Variants in CDIN1 observed in about 807,000 individuals in gnomAD.
CDIN1 encodes the protein CDAN1 interacting nuclease 1, also known as CDAN1-interacting nuclease 1.
A neutral mutation model predicts 45.3 loss-of-function variants in CDIN1; 33 were observed. The ratio of observed to expected loss-of-function variants is 0.73; its 90% CI spans 0.55 to 0.97. The LOEUF (loss-of-function observed/expected upper bound fraction) is 0.97, where lower values mean the gene tolerates loss of function less well. CDIN1 is among the 50% of genes least tolerant of loss of function. The probability of loss-of-function intolerance (pLI) is 0.00; values close to 1 mark genes in which losing one functional copy is unlikely to be tolerated. For synonymous variants in CDIN1, 118 were observed against 124.4 expected (o/e 0.95, Z 0.34); for missense variants, 303 against 339.4 (o/e 0.89, Z 0.84).
intron 1 of CDIN1, among the ~76,000 whole-genome samples, chr15:36,596,984 A>G (rs562416345): frequency 4.6e-4 from 70 of 152,176 alleles, no homozygotes; most frequent in Non-Finnish European, 7.2e-4. Context: ...AATATTAAAT[A>G]ATACCTTTCC....
intron 5 of CDIN1, among the ~76,000 whole-genome samples, chr15:36,660,159 GCGGGGATAATTGTCTT>G (rs1164450035): frequency 2.6e-5 from 4 of 151,942 alleles, no homozygotes; most frequent in Admixed American, 1.3e-4. Flanking sequence ...ATGAAACAAT[GCGGGGATAATTGTCTT>G]TGGTAGCAAT....
chr15:36,769,708 C>T (rs1358040684), intron 10 of CDIN1, among the ~76,000 whole-genome samples: 1 of 152,058 alleles, frequency 6.6e-6, no homozygotes, highest in Non-Finnish European at 1.5e-5. Flanking sequence ...TATTAAGTAC[C>T]TTCCTCAAGG....
intron 5 of CDIN1, among the ~76,000 whole-genome samples, chr15:36,658,724 C>T (rs1162294265): frequency 6.6e-6 from 1 of 152,088 alleles, no homozygotes; most frequent in Non-Finnish European, 1.5e-5. Flanking sequence ...CATAATCTTC[C>T]CTCTTTGAAA....
At chr15:36,785,486 G>C (rs1437610178) in intron 10 of CDIN1, among the ~76,000 whole-genome samples, 1 of 152,084 alleles carries the variant, frequency 6.6e-6, no homozygotes, top group Non-Finnish European at 1.5e-5. Context: ...TTGAAGCATA[G>C]GACATCTGTG....
chr15:36,808,389 G>A lies in CDIN1; in HGVS notation c.782G>A (p.Arg261Lys), dbSNP rs371887239. Residue 261 changes from arginine (R) to lysine (K), a missense_variant, in exon 11 of 11, where the codon AGG (arginine) becomes AAG (lysine). Arg to Lys is a conservative substitution (Grantham distance 26, BLOSUM62 2). Transcript: ENST00000566621. The part of the protein sequence containing the change: ...FIQELDCNRE[R>K]GILLKACFPT... ...CAGGAGCTGGACTGCAACCGGGAAA[G>A]GGGCATCCTGCTCAAAGCCTGTTTC... 13 of 1,613,488 alleles carry A rather than the reference G, an allele frequency of 8.1e-6. No individual in the cohort carries two copies. Among genetic ancestry groups the A allele is most frequent in the Non-Finnish European group, 1.1e-5 (13 of 1,179,662 alleles).
chr15:36,587,867 A>G (rs948392868), intron 1 of CDIN1, among the ~76,000 whole-genome samples: 1 of 152,168 alleles, frequency 6.6e-6, no homozygotes, highest in African/African-American at 2.4e-5. Flanking sequence ...CAGGCTCCAG[A>G]ATCTCTTTCT....
At chr15:36,584,334 C>G (rs540209759) in intron 1 of CDIN1, among the ~76,000 whole-genome samples, 1 of 152,202 alleles carries the variant, frequency 6.6e-6, no homozygotes, top group Non-Finnish European at 1.5e-5. Context: ...ACTCAGGATG[C>G]TAAGGTGAGA....
intron 5 of CDIN1, chr15:36,668,191 A>T (rs540838891): frequency 1.3e-5 from 2 of 152,142 alleles, no homozygotes; most frequent in African/African-American, 4.8e-5. Flanking sequence ...CATTGCCTAG[A>T]TACATCCATA....
intron 5 of CDIN1, 92 bp from the exon 6 acceptor site, chr15:36,691,593 T>C: frequency 1.4e-6 from 1 of 723,348 alleles, no homozygotes. Context: ...TTTGTTTTCA[T>C]GGTTTGTGTA....
intron 5 of CDIN1, among the ~76,000 whole-genome samples, chr15:36,686,339 T>C (rs541036805): frequency 6.3e-4 from 90 of 142,214 alleles, no homozygotes; most frequent in African/African-American, 2.2e-3. Flanking sequence ...ATATTCTCAC[T>C]CATAGGTGGG....
rs193012169 is a variant in CDIN1, at chr15:36,597,457, G to A, written c.101+17496G>A. Among the ~76,000 whole-genome samples the A allele has an allele frequency of 2.0e-5, 3 of 152,274 alleles. No homozygotes were observed. The East Asian group carries it at 5.8e-4, about 29-fold the overall frequency. Reference sequence around the variant, plus strand: ...ATATAAACCCTGCATTATGGCTAAAGTGGTTTTTTGCTCAGACATAAAGCT... The same window carrying A: ...ATATAAACCCTGCATTATGGCTAAAATGGTTTTTTGCTCAGACATAAAGCT... On this transcript the variant is annotated intron_variant, in intron 1 of 10. Coordinates refer to ENST00000566621, the MANE Select transcript of CDIN1 (RefSeq NM_001321759.2).
intron 5 of CDIN1, among the ~76,000 whole-genome samples, chr15:36,660,146 A>AT (rs2040950029): frequency 6.6e-6 from 1 of 151,808 alleles, no homozygotes; most frequent in African/African-American, 2.4e-5. Flanking sequence ...ATGTGTTTCC[A>AT]TTATGAAACA....
chr15:36,798,051 T>A (rs1381388264), intron 10 of CDIN1, among the ~76,000 whole-genome samples: 1 of 149,434 alleles, frequency 6.7e-6, no homozygotes, highest in African/African-American at 2.5e-5. Flanking sequence ...AAAAAAATTA[T>A]TTTCCAAATG....
intron 1 of CDIN1, among the ~76,000 whole-genome samples, chr15:36,628,890 C>G (rs2039563721): frequency 6.6e-6 from 1 of 152,170 alleles, no homozygotes; most frequent in Non-Finnish European, 1.5e-5. Flanking sequence ...AATGGAATTA[C>G]ATGCATCCTG....
At chr15:36,736,465 A>G (rs1225094773) in intron 10 of CDIN1, among the ~76,000 whole-genome samples, 1 of 152,200 alleles carries the variant, frequency 6.6e-6, no homozygotes, top group Non-Finnish European at 1.5e-5. Flanking sequence ...TTTGTTTCAA[A>G]GCCACATAGG....
At chr15:36,718,136 C>T (rs1161009019) in intron 10 of CDIN1, among the ~76,000 whole-genome samples, 1 of 151,918 alleles carries the variant, frequency 6.6e-6, no homozygotes, top group Non-Finnish European at 1.5e-5. Context: ...ACTCTTTTTT[C>T]TCCACCTAAA....
At chr15:36,645,127 C>T (rs890889985) in intron 2 of CDIN1, 96 bp from the exon 3 acceptor site, 2 of 944,886 alleles carry the variant, frequency 2.1e-6, no homozygotes, top group Middle Eastern at 4.3e-4. Context: ...TCCCTATGTG[C>T]TAGTCACTGG....
chr15:36,595,723 C>T (rs779221570), intron 1 of CDIN1, among the ~76,000 whole-genome samples: 2 of 152,188 alleles, frequency 1.3e-5, no homozygotes, highest in South Asian at 2.1e-4. Flanking sequence ...AACGAATTGA[C>T]GAGGCCATCC....
At chr15:36,684,700 A>T (rs1270006707) in intron 5 of CDIN1, among the ~76,000 whole-genome samples, 2 of 152,098 alleles carry the variant, frequency 1.3e-5, no homozygotes, top group Non-Finnish European at 2.9e-5. Flanking sequence ...CTGTGAATCC[A>T]TCTGGTCCTG....
Sources: allele counts gnomAD v4.1 joint callset (sites outside exome capture counted in the v4.1 genomes callset), GRCh38; gene constraint gnomAD v4.1.1; transcripts MANE v1.5; gene names NCBI Gene and HGNC (gene_info 2026-07-23, HGNC 2026-07-21).